The following ZNF407 variants were observed in gnomAD, a reference collection of about 807,000 sequenced individuals.
The protein encoded by ZNF407 is zinc finger protein 407.
ZNF407 carries 17 observed loss-of-function variants against 131.2 expected under a neutral mutation model. The ratio of observed to expected loss-of-function variants is 0.13; its 90% CI spans 0.09 to 0.19. ZNF407 has a LOEUF of 0.19. Ranked by LOEUF, ZNF407 falls within the 10% of genes least tolerant of loss-of-function variation. The probability of loss-of-function intolerance (pLI) is 1.00; values close to 1 mark genes in which losing one functional copy is unlikely to be tolerated. For synonymous variants in ZNF407, 1,156 were observed against 1,062.0 expected, an observed-to-expected ratio of 1.09 and a Z score of -1.72; for missense variants, 2,681 against 2,830.6, an observed-to-expected ratio of 0.95 and a Z score of 1.20.
At chr18:74,838,597 T>G (rs933171623) in intron 4 of ZNF407, among the ~76,000 whole-genome samples, 1 of 151,580 alleles carries the variant, frequency 6.6e-6, no homozygotes, top group Non-Finnish European at 1.5e-5. Context: ...CTACTCAAAG[T>G]TTTTTTTTAA....
chr18:74,764,807 C>G (rs984120654), intron 3 of ZNF407, among the ~76,000 whole-genome samples: 3 of 152,054 alleles, frequency 2.0e-5, no homozygotes, highest in Non-Finnish European at 2.9e-5. Context: ...CATAAACAAC[C>G]AGTTAATAAA....
intron 8 of ZNF407, among the ~76,000 whole-genome samples, chr18:74,981,413 G>A (rs779898774): frequency 5.9e-5 from 9 of 152,202 alleles, no homozygotes; most frequent in South Asian, 2.1e-4. Context: ...CTCGAGACCC[G>A]AGGGCCACCA....
intron 4 of ZNF407, among the ~76,000 whole-genome samples, chr18:74,823,106 A>T (rs1280971852): frequency 6.6e-6 from 1 of 152,090 alleles, no homozygotes; most frequent in Non-Finnish European, 1.5e-5. Flanking sequence ...TATCCAGCCA[A>T]ACTAAGCTAC....
rs183921097 is a variant in ZNF407 at position 74,631,203 on chromosome 18, G to T, written c.184G>T (p.Val62Phe). The stretch of plus-strand genomic sequence containing the variant: ...TTCAGAATCATCGAACTCTGATAGT[G>T]TTGTTATAGGAGAAGACAGAAATAA... ...GFSESSNSDS[V>F]VIGEDRNKHA... Residue 62 changes from valine (V) to phenylalanine (F), a missense_variant, in exon 2 of 9, where the codon GTT (valine) becomes TTT (phenylalanine). Around this residue, in one of 6 missense-constraint regions of ZNF407, gnomAD observed 1,789 missense variants for 1,748.7 expected, o/e 1.02. Coordinates refer to ENST00000299687, the MANE Select transcript of ZNF407 (RefSeq NM_017757.3). 2.7e-5 allele frequency: 44 copies of T among 1,614,008 alleles called. No individual in the cohort carries two copies. The African/African-American group carries it at 5.6e-4, about 21-fold the overall frequency.
intron 4 of ZNF407, among the ~76,000 whole-genome samples, chr18:74,819,918 C>T (rs1032936964): frequency 6.6e-6 from 1 of 152,198 alleles, no homozygotes; most frequent in Non-Finnish European, 1.5e-5. Context: ...CATTGTGCTG[C>T]CTCTAGTGGC....
At chr18:74,712,406 G>T (rs900629814) in intron 3 of ZNF407, among the ~76,000 whole-genome samples, 1 of 152,244 alleles carries the variant, frequency 6.6e-6, no homozygotes, top group Admixed American at 6.5e-5. Context: ...TCAACCTTTA[G>T]TTCCAGCCTT....
intron 8 of ZNF407, among the ~76,000 whole-genome samples, chr18:74,933,235 A>G (rs536525037): frequency 1.3e-5 from 2 of 152,360 alleles, no homozygotes; most frequent in East Asian, 1.9e-4. Flanking sequence ...AATCTGGCAC[A>G]TGCTATTACA....
intron 8 of ZNF407, among the ~76,000 whole-genome samples, chr18:75,055,440 T>G (rs746694884): frequency 2.0e-5 from 3 of 152,212 alleles, no homozygotes; most frequent in Non-Finnish European, 4.4e-5. Context: ...CAAGATAACC[T>G]TAAAGCACGC....
chr18:74,779,405 C>T (rs1053765164), intron 3 of ZNF407, among the ~76,000 whole-genome samples: 17 of 151,788 alleles, frequency 1.1e-4, no homozygotes, highest in Admixed American at 3.9e-4. Flanking sequence ...TGAGCCACCG[C>T]GCCCGGTCAG....
chr18:74,965,537 C>G (rs957709278), intron 8 of ZNF407, among the ~76,000 whole-genome samples: 7 of 152,268 alleles, frequency 4.6e-5, no homozygotes, highest in Non-Finnish European at 8.8e-5. Context: ...ATATCTACTG[C>G]ATTTTCTTTA....
chr18:74,830,384 G>T (rs565998105), intron 4 of ZNF407, among the ~76,000 whole-genome samples: 2 of 152,262 alleles, frequency 1.3e-5, no homozygotes, highest in South Asian at 4.1e-4. Context: ...CCCGACTCAA[G>T]TGGCTCTCCC....
intron 3 of ZNF407, among the ~76,000 whole-genome samples, chr18:74,686,354 A>T (rs1599069056): frequency 6.6e-6 from 1 of 152,286 alleles, no homozygotes; most frequent in East Asian, 1.9e-4. Context: ...TCTACTTCAT[A>T]ACCCCCATAA....
At chr18:74,697,242 G>A (rs1967381045) in intron 3 of ZNF407, among the ~76,000 whole-genome samples, 1 of 152,128 alleles carries the variant, frequency 6.6e-6, no homozygotes, top group African/African-American at 2.4e-5. Context: ...TTTCTATTAG[G>A]TGGGCAATGT....
chr18:74,641,951 C>T (rs963564365), intron 3 of ZNF407, among the ~76,000 whole-genome samples: 1 of 151,736 alleles, frequency 6.6e-6, no homozygotes, highest in Non-Finnish European at 1.5e-5. Flanking sequence ...GAGAAACTTG[C>T]AGTTCTTATG....
Position 75,063,794 on chromosome 18 carries a change from G to T in ZNF407, c.6073G>T (p.Gly2025Trp). ...CAAAGACGTGCTGATCCAGCTGCCC[G>T]GGCAGGAGGTCTCCCATGTGGCTGC... ...GAKDVLIQLP[G>W]QEVSHVAADP... Residue 2025 changes from glycine (G) to tryptophan (W), a missense_variant, in exon 9 of 9, where the codon GGG (glycine) becomes TGG (tryptophan). Transcript: ENST00000299687. This position sits in a 1 kb window ranked among gnomAD's most constrained non-coding sequence, Gnocchi z 6.6. 1 of 1,609,068 alleles carries T rather than the reference G, an allele frequency of 6.2e-7. No homozygotes were observed.
chr18:74,603,959 A>G (rs1189686513), intron 1 of ZNF407, among the ~76,000 whole-genome samples: 1 of 152,246 alleles, frequency 6.6e-6, no homozygotes, highest in East Asian at 1.9e-4. Flanking sequence ...ATTTACTGCC[A>G]TAAAGAACAA....
intron 1 of ZNF407, among the ~76,000 whole-genome samples, chr18:74,605,912 C>T (rs1599122695): frequency 6.6e-6 from 1 of 152,190 alleles, no homozygotes; most frequent in African/African-American, 2.4e-5. Flanking sequence ...CCTGGACCGT[C>T]GGTGGAGACT....
intron 4 of ZNF407, among the ~76,000 whole-genome samples, chr18:74,872,058 C>A (rs943210874): frequency 1.3e-5 from 2 of 151,774 alleles, no homozygotes; most frequent in Non-Finnish European, 2.9e-5. Context: ...TTAGTAGAGA[C>A]CGGGTTTCAC....
rs1972923076 is a variant in ZNF407 at position 75,007,358 on chromosome 18, C to T, written c.5429-55792C>T. Among the ~76,000 whole-genome samples, 3 of 152,134 alleles carry T rather than the reference C, an allele frequency of 2.0e-5. No individual in the cohort carries two copies. The South Asian group carries it at 6.2e-4, about 32-fold the overall frequency. On this transcript the variant is annotated intron_variant, in intron 8 of 8. Coordinates refer to ENST00000299687, the MANE Select transcript of ZNF407 (RefSeq NM_017757.3). Reference sequence around the variant, plus strand: ...GGTGGTTAGCTTAGACATTTTAACACACATGTGACAAGTGTAAATGTTGCT... The same window carrying T: ...GGTGGTTAGCTTAGACATTTTAACATACATGTGACAAGTGTAAATGTTGCT...
Sources: gnomAD v4.1 joint callset for allele counts (sites outside exome capture counted in the v4.1 genomes callset) on GRCh38, gnomAD v4.1.1 for gene constraint, gnomAD v4.1.1 regional missense constraint, Gnocchi (gnomAD v3.1) non-coding constraint, MANE v1.5 for transcripts, NCBI Gene and HGNC (gene_info 2026-07-23, HGNC 2026-07-21) for gene names.